The following GLIPR2 variants were observed in gnomAD, a reference collection of about 807,000 sequenced individuals.
The protein encoded by GLIPR2 is GLI pathogenesis related 2.
A neutral mutation model predicts 20.4 loss-of-function variants in GLIPR2; 21 were observed. The ratio of observed to expected loss-of-function variants is 1.03; its 90% CI spans 0.73 to 1.48. GLIPR2 has a LOEUF of 1.48. Ranked by LOEUF, GLIPR2 falls within the 40% of genes most tolerant of loss-of-function variation. GLIPR2 has a pLI of 0.00. For missense variants in GLIPR2, 205 were observed against 200.1 expected, an observed-to-expected ratio of 1.02 and a Z score of -0.15; for synonymous variants, 91 against 80.5, an observed-to-expected ratio of 1.13 and a Z score of -0.70.
At chr9:36,145,791 G>A (rs745857587) in intron 1 of GLIPR2, among the ~76,000 whole-genome samples, 1 of 152,050 alleles carries the variant, frequency 6.6e-6, no homozygotes, top group Non-Finnish European at 1.5e-5. Flanking sequence ...TGGATGGTTC[G>A]AGGATGTTGG....
At chr9:36,147,701 C>T in intron 1 of GLIPR2, 85 bp from the exon 2 acceptor site, 1 of 757,138 alleles carries the variant, frequency 1.3e-6, no homozygotes, top group Admixed American at 1.7e-5. Flanking sequence ...AAGGTTTGAG[C>T]TGGGTGTTGC....
At chr9:36,138,034 G>A (rs1824906329) in intron 1 of GLIPR2, among the ~76,000 whole-genome samples, 1 of 152,230 alleles carries the variant, frequency 6.6e-6, no homozygotes. Flanking sequence ...GTGGCCGTAT[G>A]AGCCCTGGGG....
chr9:36,160,417 C>A (rs1201179373), intron 4 of GLIPR2, among the ~76,000 whole-genome samples: 1 of 151,834 alleles, frequency 6.6e-6, no homozygotes, highest in African/African-American at 2.4e-5. Context: ...CTCCTGAGCC[C>A]TGGAGGTGGA....
chr9:36,159,002 T>C (rs976456515), intron 4 of GLIPR2, among the ~76,000 whole-genome samples: 5 of 152,052 alleles, frequency 3.3e-5, no homozygotes, highest in Non-Finnish European at 7.4e-5. Flanking sequence ...GAGGCAGAGG[T>C]TGCAGTGAGC....
In GLIPR2 at chr9:36,162,417, G is replaced by A. The variant is rs1365449350; in HGVS notation, c.360G>A (p.Ala120=). The change falls in exon 5 of 5, where the codon GCG becomes GCA. Residue 120 remains alanine (A), a synonymous_variant. Transcript: ENST00000377960. ...CCAAGAAGATGGGCGTGGGGAAGGC[G>A]TCCGCAAGTGACGGGTCCTCCTTTG... ...KNTKKMGVGK[A]SASDGSSFVV... The A allele has an allele frequency of 9.9e-6, 16 of 1,614,014 alleles. No homozygotes were observed. Among genetic ancestry groups the A allele is most frequent in the East Asian group, 2.2e-5 (1 of 44,896 alleles).
In GLIPR2 at chr9:36,157,011, A is replaced by G. The variant is rs576307357; in HGVS notation, c.305-5351A>G. 9.2e-5 allele frequency among the ~76,000 whole-genome samples: 14 copies of G among 151,750 alleles called. No individual in the cohort carries two copies. The South Asian group carries it at 2.9e-3, about 32-fold the overall frequency. ...TCAGAATTCCTTTTTATTTTAATTT[A>G]TTTTATTTTATTATATTTTATTTGA... On this transcript the variant is annotated intron_variant, in intron 4 of 4. Coordinates refer to ENST00000377960, the MANE Select transcript of GLIPR2 (RefSeq NM_022343.4).
chr9:36,150,831 A>G (rs1587143176), intron 3 of GLIPR2, 41 bp from the exon 4 acceptor site: 1 of 1,486,078 alleles, frequency 6.7e-7, no homozygotes, highest in Non-Finnish European at 9.4e-7. Context: ...GAGTGGGTGG[A>G]TTTTGTGGCT....
At chr9:36,150,761 C>T in intron 3 of GLIPR2, 111 bp from the exon 4 acceptor site, 1 of 734,802 alleles carries the variant, frequency 1.4e-6, no homozygotes, top group Non-Finnish European at 2.4e-6. Context: ...GGGGCTTTCT[C>T]AGATGTCTAA....
At chr9:36,157,587 T>C (rs1310282765) in intron 4 of GLIPR2, among the ~76,000 whole-genome samples, 15 of 151,546 alleles carry the variant, frequency 9.9e-5, no homozygotes, top group Admixed American at 9.2e-4. Context: ...CCCCAGGTGA[T>C]CCACCCGCCT....
At chr9:36,155,792 G>A (rs1825803200) in intron 4 of GLIPR2, among the ~76,000 whole-genome samples, 1 of 152,002 alleles carries the variant, frequency 6.6e-6, no homozygotes, top group South Asian at 2.1e-4. Flanking sequence ...TAGTAAAATA[G>A]GCTGGGTGTG....
intron 4 of GLIPR2, chr9:36,162,097 C>G (rs1826080165): frequency 1.8e-6 from 1 of 555,362 alleles, no homozygotes. Context: ...ATCACTCGAA[C>G]CCAGGAGGTG....
intron 2 of GLIPR2, among the ~76,000 whole-genome samples, chr9:36,148,239 C>T (rs1187164488): frequency 2.7e-5 from 4 of 147,314 alleles, no homozygotes; most frequent in Admixed American, 2.7e-4. Flanking sequence ...CAGAGTGAGA[C>T]AACATCTCAA....
In GLIPR2 at chr9:36,159,337, T is replaced by G. The variant is rs73648726; in HGVS notation, c.305-3025T>G. On this transcript the variant is annotated intron_variant, in intron 4 of 4. Transcript: ENST00000377960. Reference sequence around the variant, plus strand: ...TGAACGAGGCTGTAATGTGTCGAAGTCTCAAAAAGCTCAAAACATAGAATG... The same window carrying G: ...TGAACGAGGCTGTAATGTGTCGAAGGCTCAAAAAGCTCAAAACATAGAATG... Among the ~76,000 whole-genome samples, 284 of 152,268 alleles carry G rather than the reference T, an allele frequency of 1.9e-3. 1 individual carries two copies. Among genetic ancestry groups the G allele is most frequent in the African/African-American group, 6.6e-3 (273 of 41,546 alleles).
intron 4 of GLIPR2, among the ~76,000 whole-genome samples, chr9:36,152,951 G>GAAAA (rs1563885535): frequency 6.2e-5 from 2 of 32,068 alleles, no homozygotes; most frequent in African/African-American, 1.3e-4. Context: ...TACTGAAAGT[G>GAAAA]CAAAAAAAAA....
intron 4 of GLIPR2, 176 bp downstream of exon 4, chr9:36,151,125 C>T: frequency 3.3e-6 from 2 of 606,300 alleles, no homozygotes; most frequent in South Asian, 3.8e-5. Context: ...TTCCGCATTA[C>T]ATCCCCAGCT....
At chr9:36,148,155 G>A (rs1825417818) in intron 2 of GLIPR2, among the ~76,000 whole-genome samples, 2 of 152,180 alleles carry the variant, frequency 1.3e-5, no homozygotes, top group Admixed American at 1.3e-4. Flanking sequence ...GGCTGAGGCA[G>A]GAGAATTGCT....
chr9:36,138,249 T>C (rs1249450676), intron 1 of GLIPR2, among the ~76,000 whole-genome samples: 1 of 152,058 alleles, frequency 6.6e-6, no homozygotes, highest in Non-Finnish European at 1.5e-5. Flanking sequence ...TTCTGAGACG[T>C]GGTCTCCTTC....
chr9:36,137,605 G>GCA (rs1429903081), intron 1 of GLIPR2, among the ~76,000 whole-genome samples: 3 of 152,192 alleles, frequency 2.0e-5, no homozygotes, highest in African/African-American at 7.2e-5. Flanking sequence ...CGCCCAACCT[G>GCA]GTGTTTTCCT....
rs1394665740 is a variant in GLIPR2 at position 36,163,634 on chromosome 9, AG to A, written c.*1114del. On this transcript the variant is annotated 3_prime_UTR_variant, in exon 5 of 5. Coordinates refer to ENST00000377960, the MANE Select transcript of GLIPR2 (RefSeq NM_022343.4). ...TCTGTGTTTTGCCTGAAACGATACC[AG>A]GTTCCCCTGAATAGCAACTTTACAA... The A allele has an allele frequency of 6.6e-6, 1 of 152,610 alleles. No homozygotes were observed. Among genetic ancestry groups the A allele is most frequent in the African/African-American group, 2.4e-5 (1 of 41,484 alleles). The allele number at this position is 152,610 out of a possible 1,614,324, so 9.5% of individuals were successfully genotyped here. A position where few individuals can be genotyped will look rare whatever the true frequency, so the allele number is the denominator to read the frequency against.
Sources: allele counts gnomAD v4.1 joint callset (sites outside exome capture counted in the v4.1 genomes callset), GRCh38; gene constraint gnomAD v4.1.1; transcripts MANE v1.5; gene names NCBI Gene and HGNC (gene_info 2026-07-23, HGNC 2026-07-21).